Variants in NBEAL2 observed in about 807,000 individuals in gnomAD.
The protein encoded by NBEAL2 is neurobeachin like 2, also known as neurobeachin-like protein 2.
Under a neutral mutation model 299.8 loss-of-function variants are expected in NBEAL2, and 160 were observed. The observed-to-expected ratio is 0.53, with a 90% CI of 0.47 to 0.61. NBEAL2 has a LOEUF of 0.61. Among genes scored for constraint, NBEAL2 ranks in the 20% least tolerant of loss-of-function variants. NBEAL2 has a pLI of 0.00. For synonymous variants in NBEAL2, 1,493 were observed against 1,542.3 expected, an observed-to-expected ratio of 0.97 and a Z score of 0.75; for missense variants, 3,112 against 3,649.0, an observed-to-expected ratio of 0.85 and a Z score of 3.79.
rs748141173 is a variant in NBEAL2, at chr3:46,989,000, G to A, written c.269+30G>A. 3.2e-5 allele frequency: 51 copies of A among 1,612,414 alleles called. No individual in the cohort carries two copies. The South Asian group carries it at 3.5e-4, about 11-fold the overall frequency. On this transcript the variant is annotated intron_variant, in intron 3 of 53. Coordinates refer to ENST00000450053, the MANE Select transcript of NBEAL2 (RefSeq NM_015175.3). This position sits in a 1 kb window ranked among gnomAD's most constrained non-coding sequence, Gnocchi z 4.4. ...CTCTGTTGTCCACTCTACAAGCAGG[G>A]GCCTAGAACTGTGGGCCAGAGGGAG... is the stretch of plus-strand genomic sequence containing the variant.
At chr3:46,996,247 G>A (rs777397605) in intron 15 of NBEAL2, 24 bp from the exon 16 acceptor site, 21 of 1,601,606 alleles carry the variant, frequency 1.3e-5, no homozygotes, top group East Asian at 4.5e-5. Flanking sequence ...TGACCTGACC[G>A]CTCCCCCAAC....
chr3:46,984,724 G>GGA (rs1434055582), intron 1 of NBEAL2, among the ~76,000 whole-genome samples: 1 of 152,140 alleles, frequency 6.6e-6, no homozygotes, highest in South Asian at 2.1e-4. Flanking sequence ...CTGACTGAGA[G>GGA]GAGTCACCCA....
At position 47,001,223 on chromosome 3, in the gene NBEAL2, G is replaced by T; in HGVS notation, c.4484+44G>T. On this transcript the variant is annotated intron_variant, in intron 28 of 53. Coordinates refer to ENST00000450053, the MANE Select transcript of NBEAL2 (RefSeq NM_015175.3). This position sits in a 1 kb window ranked among gnomAD's most constrained non-coding sequence, Gnocchi z 6.1. ...AGGGGGAGGGGCTTCAGGAAGCCTCGGGGGAAGGAGAGAAGATAGTCAGGT... is the reference window on the plus strand; with the variant it reads ...AGGGGGAGGGGCTTCAGGAAGCCTCTGGGGAAGGAGAGAAGATAGTCAGGT... The T allele has an allele frequency of 6.2e-7, 1 of 1,600,578 alleles. No individual in the cohort carries two copies. Among genetic ancestry groups the T allele is most frequent in the Non-Finnish European group, 8.5e-7 (1 of 1,170,856 alleles).
chr3:46,995,775 G>A lies in NBEAL2; in HGVS notation c.1960G>A (p.Val654Met). The change falls in exon 14 of 54, where the codon GTG becomes ATG. Residue 654 changes from valine (V) to methionine (M), a missense_variant. Physicochemically the swap from Val to Met is conservative, Grantham distance 21 (BLOSUM62 1). Coordinates refer to ENST00000450053, the MANE Select transcript of NBEAL2 (RefSeq NM_015175.3). ...CTTCACGGCGGCCGGGACCCTGGTG[G>A]TGGCTGTGTGCACACGGAAGGAGTA... ...AFFTAAGTLV[V>M]AVCTRKEYLT... 6.8e-6 allele frequency: 11 copies of A among 1,613,796 alleles called. No homozygotes were observed. Among genetic ancestry groups the A allele is most frequent in the Non-Finnish European group, 9.3e-6 (11 of 1,179,880 alleles).
At position 46,989,360 on chromosome 3, in the gene NBEAL2, C is replaced by G. The variant is rs1232902940; in HGVS notation, c.452C>G (p.Thr151Ser). Residue 151 changes from threonine (T) to serine (S), a missense_variant, in exon 5 of 54, where the codon ACC becomes AGC. Thr to Ser is a moderately conservative substitution (Grantham distance 58, BLOSUM62 1). Around this residue, in one of 3 missense-constraint regions of NBEAL2, gnomAD observed 2,243 missense variants for 2,538.1 expected, o/e 0.88. Coordinates refer to ENST00000450053, the MANE Select transcript of NBEAL2 (RefSeq NM_015175.3). The surrounding 1 kb of genome is among the most constrained non-coding windows in gnomAD (Gnocchi z 5.5). ...GAGGGCCTCTTTGACCCTTACCAAACCTGGCGGCGCCAGCGCAGTGGGTGA... is the reference window on the plus strand; with the variant it reads ...GAGGGCCTCTTTGACCCTTACCAAAGCTGGCGGCGCCAGCGCAGTGGGTGA... ...LCEGLFDPYQ[T>S]WRRQRSGEVI... 4 of 1,580,834 alleles carry G rather than the reference C, an allele frequency of 2.5e-6. No homozygotes were observed. Among genetic ancestry groups the G allele is most frequent in the Non-Finnish European group, 3.4e-6 (4 of 1,163,588 alleles).
rs748093232 is a variant in NBEAL2, at chr3:47,003,160, T to C, written c.5585-14T>C. ...CCTGCCTTGCTTCTGCTGAGTACCC[T>C]TGGCCCCTTGCAGGTGAGGTTCCCC... On this transcript the variant is annotated splice_polypyrimidine_tract_variant and intron_variant, in intron 34 of 53. Transcript: ENST00000450053. The surrounding 1 kb of genome is among the most constrained non-coding windows in gnomAD (Gnocchi z 7.0). The C allele has an allele frequency of 5.0e-6, 8 of 1,605,336 alleles. No homozygotes were observed. Among genetic ancestry groups the C allele is most frequent in the Non-Finnish European group, 6.0e-6 (7 of 1,174,110 alleles).
In NBEAL2 at chr3:46,999,092, C is replaced by A; in HGVS notation, c.3518C>A (p.Pro1173His). The A allele has an allele frequency of 6.3e-7, 1 of 1,586,478 alleles. No individual in the cohort carries two copies. Among genetic ancestry groups the A allele is most frequent in the Non-Finnish European group, 8.6e-7 (1 of 1,166,910 alleles). The change falls in exon 24 of 54, where the codon CCC (proline) becomes CAC (histidine). Residue 1173 changes from proline to histidine, a missense_variant. Pro to His is a moderately conservative substitution (Grantham distance 77, BLOSUM62 -2). Coordinates refer to ENST00000450053, the MANE Select transcript of NBEAL2 (RefSeq NM_015175.3). ...CTGCTAGTGCGGCCAGGGTCACTGC[C>A]CCTGCTGCCCGATCGAGTCTGCAAG... ...LALLVRPGSL[P>H]LLPDRVCKIL...
Position 47,009,429 on chromosome 3 carries a change from CG to C in NBEAL2, c.*113del. 1.0e-6 allele frequency: 1 copy of C among 967,244 alleles called. No homozygotes were observed. The highest frequency in any genetic ancestry group is 1.5e-6 in the Non-Finnish European group (1 of 645,408). The allele number at this position is 967,244 out of a possible 1,614,324, so 59.9% of individuals were successfully genotyped here. A position where few individuals can be genotyped will look rare whatever the true frequency, so the allele number is the denominator to read the frequency against. ...GGGGTGGGCAGCCCAGGGGGGTGAG[CG>C]GGGCCCACCCTGCCCAGCTCAGGGA... On this transcript the variant is annotated 3_prime_UTR_variant, in exon 54 of 54. Coordinates refer to ENST00000450053, the MANE Select transcript of NBEAL2 (RefSeq NM_015175.3).
At position 47,003,013 on chromosome 3, in the gene NBEAL2, G is replaced by A. The variant is rs758124017; in HGVS notation, c.5516G>A (p.Arg1839His). The A allele has an allele frequency of 1.4e-5, 22 of 1,613,272 alleles. No homozygotes were observed. Among genetic ancestry groups the A allele is most frequent in the South Asian group, 9.9e-5 (9 of 91,058 alleles). The change falls in exon 34 of 54, where the codon CGT becomes CAT. Residue 1839 changes from arginine (R) to histidine (H), a missense_variant. By Grantham distance (29) the Arg-to-His change is conservative. Around this residue, in one of 3 missense-constraint regions of NBEAL2, gnomAD observed 2,243 missense variants for 2,538.1 expected, o/e 0.88. Coordinates refer to ENST00000450053, the MANE Select transcript of NBEAL2 (RefSeq NM_015175.3). This position sits in a 1 kb window ranked among gnomAD's most constrained non-coding sequence, Gnocchi z 7.0. ...LSSAETYSRM[R>H]LKLVPNHHFD... The stretch of plus-strand genomic sequence containing the variant: ...AGCGCCGAGACATATTCACGCATGC[G>A]TCTGAAGCTGGTGCCCAACCATCAC...
In NBEAL2 at chr3:46,994,410, C is replaced by T. The variant is rs749512; in HGVS notation, c.1198-45C>T. On this transcript the variant is annotated intron_variant, in intron 11 of 53. Transcript: ENST00000450053. ...TTCCAGGGGGTCTGAGTTTGCCCTC[C>T]GGCCCATGTATGTGTTCACTTCTTC... 552,506 of 1,521,638 alleles carry T rather than the reference C, an allele frequency of 0.36. 102,531 individuals are homozygous for T. Among genetic ancestry groups the T allele is most frequent in the Middle Eastern group, 0.44 (2,613 of 5,948 alleles). 94.3% of individuals were successfully genotyped at this position (1,521,638 alleles called of 1,614,324 possible).
At position 47,003,027 on chromosome 3, in the gene NBEAL2, C is replaced by T. The variant is rs2037149160; in HGVS notation, c.5530C>T (p.Pro1844Ser). ...TTCACGCATGCGTCTGAAGCTGGTG[C>T]CCAACCATCACTTCGACCCTCACCT... The part of the protein sequence containing the change: ...TYSRMRLKLV[P>S]NHHFDPHLEA... The change falls in exon 34 of 54, where the codon CCC becomes TCC. Residue 1844 changes from proline (P) to serine (S), a missense_variant. Coordinates refer to ENST00000450053, the MANE Select transcript of NBEAL2 (RefSeq NM_015175.3). This position sits in a 1 kb window ranked among gnomAD's most constrained non-coding sequence, Gnocchi z 7.0. The T allele has an allele frequency of 6.2e-7, 1 of 1,613,154 alleles. No individual in the cohort carries two copies. The highest frequency in any genetic ancestry group is 1.7e-5 in the Admixed American group (1 of 59,928).
chr3:47,008,902 A>C, intron 52 of NBEAL2, 87 bp from the exon 53 acceptor site: 1 of 1,554,940 alleles, frequency 6.4e-7, no homozygotes, highest in East Asian at 2.2e-5. Flanking sequence ...AAATGAGGAC[A>C]GAGAGGGTAT....
intron 16 of NBEAL2, 61 bp downstream of exon 16, chr3:46,996,653 G>A (rs577698209): frequency 0.017 from 26,531 of 1,523,026 alleles, 455 homozygotes; most frequent in South Asian, 0.064. Flanking sequence ...TCCGGGGGGA[G>A]AAGGCATCTC....
In NBEAL2 at chr3:46,995,465, C is replaced by T. The variant is rs1234874434; in HGVS notation, c.1730C>T (p.Ala577Val). 1.2e-6 allele frequency: 2 copies of T among 1,612,774 alleles called. No individual in the cohort carries two copies. The highest frequency in any genetic ancestry group is 2.7e-5 in the African/African-American group (2 of 74,954). ...GMARHQGPAR[A>V]LRYFDLTPSM... ...GCCAGGCACCAGGGTCCTGCACGTG[C>T]TCTGCGCTACTTTGACCTCACGCCC... The change falls in exon 13 of 54, where the codon GCT (alanine) becomes GTT (valine). Residue 577 changes from alanine to valine, a missense_variant. Coordinates refer to ENST00000450053, the MANE Select transcript of NBEAL2 (RefSeq NM_015175.3).
Position 47,009,380 on chromosome 3 carries a change from C to T in NBEAL2, c.*60C>T. 6.7e-7 allele frequency: 1 copy of T among 1,496,918 alleles called. No individual in the cohort carries two copies. The highest frequency in any genetic ancestry group is 9.0e-7 in the Non-Finnish European group (1 of 1,105,076). The allele number at this position is 1,496,918 out of a possible 1,614,324, so 92.7% of individuals were successfully genotyped here. ...GGCAGGCCTGGCCCGGGAGGCCCCG[C>T]CCAGAAGTCGGCGGGAACACCCCGG... is the stretch of plus-strand genomic sequence containing the variant. On this transcript the variant is annotated 3_prime_UTR_variant, in exon 54 of 54. Coordinates refer to ENST00000450053, the MANE Select transcript of NBEAL2 (RefSeq NM_015175.3).
At position 47,000,697 on chromosome 3, in the gene NBEAL2, C is replaced by T. The variant is rs562051203; in HGVS notation, c.4305+293C>T. On this transcript the variant is annotated intron_variant, in intron 27 of 53. Transcript: ENST00000450053. The surrounding 1 kb of genome is among the most constrained non-coding windows in gnomAD (Gnocchi z 4.5). ...CCTCACAGGGTCCAAGGGCAGCAAACTCCAAAGGCCCTGCCCTGGGCTTCT... is the reference window on the plus strand; with the variant it reads ...CCTCACAGGGTCCAAGGGCAGCAAATTCCAAAGGCCCTGCCCTGGGCTTCT... Among the ~76,000 whole-genome samples, 252 of 152,282 alleles carry T rather than the reference C, an allele frequency of 1.7e-3. 2 individuals carry two copies. Among genetic ancestry groups the T allele is most frequent in the African/African-American group, 5.4e-3 (224 of 41,560 alleles).
In NBEAL2 at chr3:47,000,875, C is replaced by T; in HGVS notation, c.4306-126C>T. ...CCCTTAGTGCCAGGCTCACTGTTAG[C>T]CAAATGCTCTGACTCCTGGGTGGCT... On this transcript the variant is annotated intron_variant, in intron 27 of 53. Transcript: ENST00000450053. This position sits in a 1 kb window ranked among gnomAD's most constrained non-coding sequence, Gnocchi z 4.5. The T allele has an allele frequency of 7.2e-7, 1 of 1,392,078 alleles. No homozygotes were observed. The allele number at this position is 1,392,078 out of a possible 1,614,324, so 86.2% of individuals were successfully genotyped here. A position where few individuals can be genotyped will look rare whatever the true frequency, so the allele number is the denominator to read the frequency against.
Position 47,001,980 on chromosome 3 carries a change from C to T in NBEAL2, c.4843C>T (p.Arg1615Cys), listed in dbSNP as rs376954313. 2.2e-4 allele frequency: 353 copies of T among 1,607,888 alleles called. No homozygotes were observed. Among genetic ancestry groups the T allele is most frequent in the Admixed American group, 5.1e-4 (30 of 59,216 alleles). Residue 1615 changes from arginine to cysteine, a missense_variant, in exon 31 of 54, where the codon CGC becomes TGC. Transcript: ENST00000450053. The surrounding 1 kb of genome is among the most constrained non-coding windows in gnomAD (Gnocchi z 6.1). ...MLLQTAVPAR[R>C]EEACYVLSKL... ...GCTACAGACTGCAGTGCCAGCCCGCCGCGAGGAGGCCTGCTATGTGCTCTC... is the reference window on the plus strand; with the variant it reads ...GCTACAGACTGCAGTGCCAGCCCGCTGCGAGGAGGCCTGCTATGTGCTCTC...
rs774067836 is a variant in NBEAL2, at chr3:46,996,737, T to G, written c.2474-14T>G. On this transcript the variant is annotated splice_polypyrimidine_tract_variant and intron_variant, in intron 16 of 53. Transcript: ENST00000450053. ...AGGCCTAGCAAGGTCTGAAGCCCCCTGCCCACCTCCCAGGGCCCAATGAGA... is the reference window on the plus strand; with the variant it reads ...AGGCCTAGCAAGGTCTGAAGCCCCCGGCCCACCTCCCAGGGCCCAATGAGA... The G allele has an allele frequency of 1.2e-6, 2 of 1,610,460 alleles. No individual in the cohort carries two copies. The highest frequency in any genetic ancestry group is 1.7e-6 in the Non-Finnish European group (2 of 1,178,506).
Sources: allele counts gnomAD v4.1 joint callset (sites outside exome capture counted in the v4.1 genomes callset), GRCh38; gene constraint gnomAD v4.1.1; regional missense constraint gnomAD v4.1.1; non-coding constraint Gnocchi (gnomAD v3.1); transcripts MANE v1.5; gene names NCBI Gene and HGNC (gene_info 2026-07-23, HGNC 2026-07-21).